FOXN3: variants seen among roughly 807,000 people sequenced by gnomAD.
FOXN3 encodes the protein forkhead box N3, also known as forkhead box protein N3.
In FOXN3, 7 loss-of-function variants were observed where a neutral mutation model predicts 38.4. The ratio of observed to expected loss-of-function variants is 0.18; its 90% CI spans 0.10 to 0.34. The LOEUF is 0.34. Ranked by LOEUF, FOXN3 falls within the 10% of genes least tolerant of loss-of-function variation. The pLI is 1.00. For synonymous variants in FOXN3, 230 were observed against 242.2 expected (o/e 0.95, Z 0.47); for missense variants, 456 against 613.4 (o/e 0.74, Z 2.71).
At chr14:89,520,017 CTTTT>C (rs56854196) in intron 1 of FOXN3, among the ~76,000 whole-genome samples, 3 of 132,444 alleles carry the variant, frequency 2.3e-5, no homozygotes, top group African/African-American at 5.4e-5. Context: ...TTCTTTTTTT[CTTTT>C]TTTTTTTTTT....
chr14:89,544,836 C>A (rs1046801351), intron 1 of FOXN3, among the ~76,000 whole-genome samples: 5 of 152,082 alleles, frequency 3.3e-5, no homozygotes, highest in African/African-American at 9.7e-5. Context: ...CAAGACAGAG[C>A]GGGACAGCAC....
At chr14:89,460,182 A>G (rs969764016) in intron 1 of FOXN3, among the ~76,000 whole-genome samples, 7 of 152,106 alleles carry the variant, frequency 4.6e-5, no homozygotes, top group African/African-American at 7.2e-5. Flanking sequence ...TTTTTTCCTG[A>G]GCGTTCCGGG....
intron 3 of FOXN3, chr14:89,291,419 T>G (rs989447434): frequency 1.6e-6 from 1 of 609,402 alleles, no homozygotes; most frequent in Admixed American, 1.9e-5. Context: ...CTTTAAAAAC[T>G]TGGCCACCAT....
chr14:89,586,434 C>T (rs561287441), intron 1 of FOXN3, among the ~76,000 whole-genome samples: 40 of 152,124 alleles, frequency 2.6e-4, no homozygotes, highest in Non-Finnish European at 4.7e-4. Flanking sequence ...ACAAAACCAG[C>T]ATCAGAAGCT....
At chr14:89,266,327 T>C (rs577216860) in intron 4 of FOXN3, among the ~76,000 whole-genome samples, 1 of 152,280 alleles carries the variant, frequency 6.6e-6, no homozygotes, top group Non-Finnish European at 1.5e-5. Flanking sequence ...TACATGTACA[T>C]TCCTGGTATC....
In FOXN3 at chr14:89,209,455, AGT is replaced by A. The variant is rs578259053; in HGVS notation, c.746-28651_746-28650del. Reference sequence around the variant, plus strand: ...TGAAAGGAGGAACAGAAAATTCCAAAGTGTGACATAAACAGTTTCAGATAAAT... The same window carrying A: ...TGAAAGGAGGAACAGAAAATTCCAAAGTGACATAAACAGTTTCAGATAAAT... On this transcript the variant is annotated intron_variant, in intron 4 of 5. Coordinates refer to ENST00000557258, the MANE Select transcript of FOXN3 (RefSeq NM_005197.4). 2.8e-4 allele frequency among the ~76,000 whole-genome samples: 42 copies of A among 152,390 alleles called. No homozygotes were observed. In the South Asian group the frequency reaches 8.7e-3, roughly 32 times the overall value.
chr14:89,399,709 G>A (rs1449026733), intron 2 of FOXN3, among the ~76,000 whole-genome samples: 1 of 152,190 alleles, frequency 6.6e-6, no homozygotes, highest in African/African-American at 2.4e-5. Context: ...GGAAGGGGGA[G>A]GGGCTGCGAT....
chr14:89,384,602 C>A (rs545613678), intron 2 of FOXN3, among the ~76,000 whole-genome samples: 1 of 152,150 alleles, frequency 6.6e-6, no homozygotes, highest in Non-Finnish European at 1.5e-5. Context: ...AGCCCCACAC[C>A]TACCACAATA....
chr14:89,379,405 C>A (rs774514371), intron 2 of FOXN3, among the ~76,000 whole-genome samples: 28 of 152,158 alleles, frequency 1.8e-4, no homozygotes, highest in Non-Finnish European at 3.5e-4. Flanking sequence ...TGTGTGGGAG[C>A]TGTCCTGTGT....
intron 2 of FOXN3, among the ~76,000 whole-genome samples, chr14:89,380,254 C>T (rs1478995358): frequency 6.6e-6 from 1 of 152,216 alleles, no homozygotes. Flanking sequence ...TTGCCAGCCA[C>T]CATGTAAGAC....
chr14:89,321,056 G>C (rs1887881527), intron 3 of FOXN3, among the ~76,000 whole-genome samples: 1 of 152,100 alleles, frequency 6.6e-6, no homozygotes, highest in Non-Finnish European at 1.5e-5. Context: ...GGGAGGCCGA[G>C]GTGGGCAGAT....
intron 1 of FOXN3, among the ~76,000 whole-genome samples, chr14:89,509,991 C>T (rs1303483747): frequency 6.6e-6 from 1 of 152,170 alleles, no homozygotes; most frequent in Non-Finnish European, 1.5e-5. Flanking sequence ...CCATGTTTCC[C>T]AGCTCTCATT....
intron 2 of FOXN3, among the ~76,000 whole-genome samples, chr14:89,356,888 C>G (rs1889252513): frequency 6.6e-6 from 1 of 152,108 alleles, no homozygotes; most frequent in Admixed American, 6.6e-5. Context: ...AGGAAGGAAA[C>G]AGAATAAGCC....
chr14:89,567,616 A>ACTGTAAAAGGTACAGAGCGATAC (rs1273627466), intron 1 of FOXN3, among the ~76,000 whole-genome samples: 3 of 152,128 alleles, frequency 2.0e-5, no homozygotes, highest in African/African-American at 7.2e-5. Flanking sequence ...CCAAGGGAAG[A>ACTGTAAAAGGTACAGAGCGATAC]TTATTTATTG....
intron 2 of FOXN3, among the ~76,000 whole-genome samples, chr14:89,363,432 A>T (rs1356101990): frequency 6.6e-6 from 1 of 152,266 alleles, no homozygotes; most frequent in African/African-American, 2.4e-5. Flanking sequence ...CATTCTGGAA[A>T]GAATCCCCAC....
chr14:89,600,470 T>C (rs1314913984), intron 1 of FOXN3, among the ~76,000 whole-genome samples: 2 of 152,250 alleles, frequency 1.3e-5, no homozygotes, highest in East Asian at 3.8e-4. Flanking sequence ...TAATCTCCTT[T>C]AGGGATTTAG....
intron 1 of FOXN3, among the ~76,000 whole-genome samples, chr14:89,496,326 C>T (rs1277464826): frequency 6.6e-6 from 1 of 151,932 alleles, no homozygotes; most frequent in Non-Finnish European, 1.5e-5. Flanking sequence ...TAGGCAAATC[C>T]TCCTCTTTGA....
At chr14:89,617,090 G>A (rs192252926) in intron 1 of FOXN3, among the ~76,000 whole-genome samples, 35 of 151,954 alleles carry the variant, frequency 2.3e-4, no homozygotes, top group African/African-American at 7.7e-4. Context: ...GGTGGGGTGG[G>A]GTTACTCCTC....
intron 4 of FOXN3, among the ~76,000 whole-genome samples, chr14:89,276,199 A>G (rs1447965083): frequency 6.6e-6 from 1 of 152,178 alleles, no homozygotes; most frequent in Non-Finnish European, 1.5e-5. Context: ...GAATCACTTG[A>G]ACCCGGGAGG....
Sources: allele counts gnomAD v4.1 joint callset (sites outside exome capture counted in the v4.1 genomes callset), GRCh38; gene constraint gnomAD v4.1.1; transcripts MANE v1.5; gene names NCBI Gene and HGNC (gene_info 2026-07-23, HGNC 2026-07-21).